The following PDGFRL variants were observed in gnomAD, a reference collection of about 807,000 sequenced individuals.
The protein encoded by PDGFRL is platelet derived growth factor receptor like, also known as platelet-derived growth factor receptor-like protein.
In PDGFRL, 46 loss-of-function variants were observed where a neutral mutation model predicts 37.2. The observed-to-expected ratio is 1.24, with a 90% confidence interval of 0.98 to 1.58. PDGFRL has a LOEUF of 1.58. Ranked by LOEUF, PDGFRL falls within the 40% of genes most tolerant of loss-of-function variation. The probability of loss-of-function intolerance (pLI) is 0.00; values close to 1 mark genes in which losing one functional copy is unlikely to be tolerated. For synonymous variants in PDGFRL, 251 were observed against 184.3 expected, an observed-to-expected ratio of 1.36 and a Z score of -2.93; for missense variants, 692 against 467.6, an observed-to-expected ratio of 1.48 and a Z score of -4.43.
At chr8:17,587,054 C>G (rs190091569) in intron 1 of PDGFRL, among the ~76,000 whole-genome samples, 51 of 152,192 alleles carry the variant, frequency 3.4e-4, no homozygotes, top group Middle Eastern at 3.4e-3. Flanking sequence ...TTCTTTTAAA[C>G]AGTTAGACAT....
At chr8:17,608,939 C>A (rs1310049829) in intron 2 of PDGFRL, among the ~76,000 whole-genome samples, 1 of 152,144 alleles carries the variant, frequency 6.6e-6, no homozygotes, top group African/African-American at 2.4e-5. Context: ...CAAGGAGGGG[C>A]CAGGCAAGGC....
intron 2 of PDGFRL, among the ~76,000 whole-genome samples, chr8:17,591,941 G>A (rs147968110): frequency 2.4e-4 from 36 of 152,230 alleles, no homozygotes; most frequent in Non-Finnish European, 4.1e-4. Context: ...AAGAAAGGCT[G>A]CAGAGGGCAG....
At chr8:17,582,432 G>C (rs988242336) in intron 1 of PDGFRL, among the ~76,000 whole-genome samples, 2 of 151,906 alleles carry the variant, frequency 1.3e-5, no homozygotes, top group African/African-American at 4.8e-5. Context: ...AATACAAGAA[G>C]TTAGCCTGAT....
chr8:17,608,206 C>T (rs952063990), intron 2 of PDGFRL, among the ~76,000 whole-genome samples: 1 of 152,190 alleles, frequency 6.6e-6, no homozygotes, highest in Non-Finnish European at 1.5e-5. Flanking sequence ...CAGACCACAT[C>T]CTACTGTCCA....
intron 2 of PDGFRL, among the ~76,000 whole-genome samples, chr8:17,615,616 AT>A (rs1804507542): frequency 6.6e-6 from 1 of 152,130 alleles, no homozygotes; most frequent in African/African-American, 2.4e-5. Flanking sequence ...AATAATGACA[AT>A]TTCTAAAGTG....
intron 1 of PDGFRL, among the ~76,000 whole-genome samples, chr8:17,586,577 A>C (rs1424367299): frequency 6.6e-6 from 1 of 152,192 alleles, no homozygotes; most frequent in Non-Finnish European, 1.5e-5. Context: ...GCATCTATAC[A>C]TTAAAGAGAC....
At chr8:17,580,934 C>T (rs1054336200) in intron 1 of PDGFRL, among the ~76,000 whole-genome samples, 3 of 144,104 alleles carry the variant, frequency 2.1e-5, no homozygotes, top group Admixed American at 1.5e-4. Flanking sequence ...CTCCCCGTGT[C>T]TGTCTTTACA....
chr8:17,577,437 G>A (rs2150804342), intron 1 of PDGFRL, 130 bp downstream of exon 1: 2 of 763,096 alleles, frequency 2.6e-6, no homozygotes, highest in South Asian at 1.5e-5. Context: ...CCGCGCCACT[G>A]CCTGCCCGGT....
chr8:17,635,322 T>C (rs1804950462), intron 5 of PDGFRL, among the ~76,000 whole-genome samples: 2 of 151,644 alleles, frequency 1.3e-5, no homozygotes. Flanking sequence ...CCAAAGTTCA[T>C]TGTGTCATTC....
intron 2 of PDGFRL, among the ~76,000 whole-genome samples, chr8:17,607,185 G>C (rs1804300092): frequency 6.6e-6 from 1 of 152,114 alleles, no homozygotes; most frequent in East Asian, 1.9e-4. Context: ...TTTTAGACGT[G>C]TGTCTCAATC....
At chr8:17,602,404 T>C (rs1804184742) in intron 2 of PDGFRL, among the ~76,000 whole-genome samples, 1 of 152,076 alleles carries the variant, frequency 6.6e-6, no homozygotes, top group Non-Finnish European at 1.5e-5. Flanking sequence ...CTCTGTGGTA[T>C]GTGTGTTGAG....
chr8:17,599,600 G>A (rs917055399), intron 2 of PDGFRL, among the ~76,000 whole-genome samples: 2 of 152,158 alleles, frequency 1.3e-5, no homozygotes, highest in South Asian at 2.1e-4. Context: ...GGAAGGAGCC[G>A]TACAGCTCGC....
chr8:17,619,098 A>C (rs1804584092), intron 2 of PDGFRL, among the ~76,000 whole-genome samples: 1 of 152,214 alleles, frequency 6.6e-6, no homozygotes, highest in Admixed American at 6.5e-5. Flanking sequence ...TGCTAAATGT[A>C]AACTGGTCAC....
At chr8:17,629,145 G>C (rs975771417) in intron 4 of PDGFRL, among the ~76,000 whole-genome samples, 4 of 147,690 alleles carry the variant, frequency 2.7e-5, no homozygotes, top group African/African-American at 1.0e-4. Context: ...GCCTGGGCTG[G>C]TCTCGACCTC....
chr8:17,577,664 C>A (rs989985064), intron 1 of PDGFRL, among the ~76,000 whole-genome samples: 3 of 151,822 alleles, frequency 2.0e-5, no homozygotes, highest in Non-Finnish European at 4.4e-5. Context: ...CCTCGGATCG[C>A]TTCCACCTCC....
intron 1 of PDGFRL, among the ~76,000 whole-genome samples, chr8:17,582,359 G>A (rs750167185): frequency 1.3e-4 from 20 of 152,174 alleles, no homozygotes; most frequent in Non-Finnish European, 2.2e-4. Flanking sequence ...GGAGGCAGGC[G>A]GATCATGAGG....
chr8:17,634,175 G>A lies in PDGFRL; in HGVS notation c.901G>A (p.Val301Met). Residue 301 changes from valine to methionine, a missense_variant, in exon 5 of 6, where the codon GTG becomes ATG. By Grantham distance (21) the Val-to-Met change is conservative (BLOSUM62 1). Coordinates refer to ENST00000251630, the MANE Select transcript of PDGFRL (RefSeq NM_001372073.1). Reference protein sequence around the residue: ...VLCTVLGEPDVEVEFTWIFPG... With the variant: ...VLCTVLGEPDMEVEFTWIFPG... The stretch of plus-strand genomic sequence containing the variant: ...CTGCACTGTCCTGGGGGAGCCCGAT[G>A]TGGAGGTGGAGTTCACCTGGATCTT... 3 of 1,613,570 alleles carry A rather than the reference G, an allele frequency of 1.9e-6. No homozygotes were observed. Among genetic ancestry groups the A allele is most frequent in the Non-Finnish European group, 2.5e-6 (3 of 1,179,508 alleles).
At chr8:17,634,293 C>A in intron 5 of PDGFRL, 80 bp downstream of exon 5, 1 of 1,150,920 alleles carries the variant, frequency 8.7e-7, no homozygotes, top group South Asian at 1.4e-5. Context: ...CAGCTTCGTC[C>A]CCACCCAGTG....
At chr8:17,584,451 C>G (rs1803772975) in intron 1 of PDGFRL, among the ~76,000 whole-genome samples, 1 of 151,870 alleles carries the variant, frequency 6.6e-6, no homozygotes, top group Non-Finnish European at 1.5e-5. Flanking sequence ...CTGCAGGGGT[C>G]ACGGGATTGT....
Sources: allele counts gnomAD v4.1 joint callset (sites outside exome capture counted in the v4.1 genomes callset), GRCh38; gene constraint gnomAD v4.1.1; transcripts MANE v1.5; gene names NCBI Gene and HGNC (gene_info 2026-07-23, HGNC 2026-07-21).